Variants in PCDHA9 observed in about 807,000 individuals in gnomAD.
PCDHA9 encodes protocadherin alpha-9.
PCDHA9 carries 62 observed loss-of-function variants against 62.0 expected under a neutral mutation model. That is an observed-to-expected ratio of 1.00 (90% CI 0.81 to 1.23). The LOEUF is 1.23. Among genes scored for constraint, PCDHA9 ranks in the 50% most tolerant of loss-of-function variants. The pLI, the probability that PCDHA9 is intolerant of heterozygous loss-of-function variation, is 0.00. For synonymous variants in PCDHA9, 557 were observed against 567.6 expected (o/e 0.98, Z 0.27); for missense variants, 1,205 against 1,249.8 (o/e 0.96, Z 0.54).
At chr5:140,891,371 T>C (rs1483919316) in intron 1 of PCDHA9, among the ~76,000 whole-genome samples, 1 of 152,146 alleles carries the variant, frequency 6.6e-6, no homozygotes, top group Non-Finnish European at 1.5e-5. Flanking sequence ...CAGTATACAT[T>C]GCACCATATT....
chr5:140,855,629 G>A (rs914411692), intron 1 of PCDHA9, among the ~76,000 whole-genome samples: 2 of 149,486 alleles, frequency 1.3e-5, no homozygotes, highest in Non-Finnish European at 3.0e-5. Flanking sequence ...TTTGAAATTC[G>A]GCTATTGATA....
chr5:140,949,111 T>C (rs1316111436), intron 1 of PCDHA9, among the ~76,000 whole-genome samples: 1 of 151,772 alleles, frequency 6.6e-6, no homozygotes, highest in African/African-American at 2.4e-5. Context: ...AGTTTACAAA[T>C]ATTTTTGGTT....
chr5:140,853,742 G>A, intron 1 of PCDHA9: 1 of 988,574 alleles, frequency 1.0e-6, no homozygotes, highest in Non-Finnish European at 1.2e-6. Context: ...GAATGTTCTG[G>A]TTCAAGGCTC....
intron 1 of PCDHA9, chr5:140,967,149 C>A (rs781864120): frequency 1.3e-5 from 21 of 1,610,890 alleles, no homozygotes; most frequent in Non-Finnish European, 1.7e-5. Flanking sequence ...GCGCACAACC[C>A]CGTGGCGGTG....
intron 1 of PCDHA9, chr5:140,969,215 C>G (rs782320507): frequency 6.2e-7 from 1 of 1,614,128 alleles, no homozygotes; most frequent in South Asian, 1.1e-5. Flanking sequence ...CCAGACAGGA[C>G]CAGGGCCTTC....
intron 3 of PCDHA9, among the ~76,000 whole-genome samples, chr5:140,999,809 CAA>C (rs1350603380): frequency 1.3e-5 from 2 of 152,160 alleles, no homozygotes; most frequent in African/African-American, 2.4e-5. Flanking sequence ...GGGCACAAAG[CAA>C]GAGCTGTGGC....
At chr5:140,969,592 A>G (rs547411191) in intron 1 of PCDHA9, 72 of 829,536 alleles carry the variant, frequency 8.7e-5, no homozygotes, top group Middle Eastern at 3.7e-4. Context: ...TAGTCTTAAT[A>G]TTTAATGCTA....
chr5:140,871,008 C>A lies in PCDHA9; in HGVS notation c.2394+20119C>A, dbSNP rs782247452. Reference sequence around the variant, plus strand: ...CGGGCGAGATAAGCACAACGCGTGCCCTGGACGAGGCAGACTCGCCGCGCC... The same window carrying A: ...CGGGCGAGATAAGCACAACGCGTGCACTGGACGAGGCAGACTCGCCGCGCC... On this transcript the variant is annotated intron_variant, in intron 1 of 3. Transcript: ENST00000532602. The A allele has an allele frequency of 5.6e-6, 9 of 1,613,284 alleles. No homozygotes were observed. The African/African-American group carries it at 1.1e-4, about 19-fold the overall frequency.
intron 1 of PCDHA9, among the ~76,000 whole-genome samples, chr5:140,907,434 A>G (rs782559641): frequency 2.5e-4 from 38 of 152,256 alleles, no homozygotes; most frequent in Non-Finnish European, 4.4e-4. Context: ...GCATTCTGTG[A>G]GTCCACAGAT....
In PCDHA9 at chr5:140,916,964, T is replaced by C. The variant is rs139574694; in HGVS notation, c.2395-61985T>C. On this transcript the variant is annotated intron_variant, in intron 1 of 3. Transcript: ENST00000532602. The stretch of plus-strand genomic sequence containing the variant: ...GTGAGGCTTGCTGAGTTCTGACTGC[T>C]GGGATGAGTGATTCGCCTCTGGCCA... Among the ~76,000 whole-genome samples, 15 of 152,322 alleles carry C rather than the reference T, an allele frequency of 9.8e-5. No individual in the cohort carries two copies. In the East Asian group the frequency reaches 2.9e-3, roughly 29 times the overall value.
chr5:140,856,715 G>C, intron 1 of PCDHA9: 2 of 1,596,442 alleles, frequency 1.3e-6, no homozygotes, highest in African/African-American at 1.3e-5. Flanking sequence ...TGAATTTACC[G>C]GATCTGTTTC....
intron 1 of PCDHA9, among the ~76,000 whole-genome samples, chr5:140,885,025 T>A (rs2060432297): frequency 6.6e-6 from 1 of 152,228 alleles, no homozygotes; most frequent in Non-Finnish European, 1.5e-5. Context: ...ATCTTAAATT[T>A]AAAAAATTTT....
chr5:140,934,337 A>G (rs1404340648), intron 1 of PCDHA9, among the ~76,000 whole-genome samples: 1 of 152,128 alleles, frequency 6.6e-6, no homozygotes, highest in African/African-American at 2.4e-5. Context: ...TGTAATAACC[A>G]CCAGTACAGT....
chr5:140,876,870 G>A (rs1278762768), intron 1 of PCDHA9: 2 of 1,614,000 alleles, frequency 1.2e-6, no homozygotes, highest in Non-Finnish European at 1.7e-6. Flanking sequence ...TCGTGAAGGA[G>A]AACAACCCGC....
chr5:140,927,796 C>T, intron 1 of PCDHA9: 1 of 1,614,202 alleles, frequency 6.2e-7, no homozygotes, highest in South Asian at 1.1e-5. Context: ...ACTAGGTCCG[C>T]CTGAAACGCT....
rs1310762753 is a variant in PCDHA9, at chr5:140,855,371, T to A, written c.2394+4482T>A. Among the ~76,000 whole-genome samples, 3 of 149,996 alleles carry A rather than the reference T, an allele frequency of 2.0e-5. 1 individual carries two copies. Among genetic ancestry groups the A allele is most frequent in the African/African-American group, 7.3e-5 (3 of 40,926 alleles). On this transcript the variant is annotated intron_variant, in intron 1 of 3. Transcript: ENST00000532602. ...GTCATGTGGCTAGTGAGTAGGATAATAGGAATCTAAATGGAGAAATGTCTG... is the reference window on the plus strand; with the variant it reads ...GTCATGTGGCTAGTGAGTAGGATAAAAGGAATCTAAATGGAGAAATGTCTG...
At chr5:140,858,107 C>T in intron 1 of PCDHA9, 1 of 1,597,636 alleles carries the variant, frequency 6.3e-7, no homozygotes, top group Non-Finnish European at 8.6e-7. Context: ...GGGCGTGGCG[C>T]CCGAGGTGGC....
chr5:140,872,246 G>A (rs2053563930), intron 1 of PCDHA9, among the ~76,000 whole-genome samples: 1 of 151,488 alleles, frequency 6.6e-6, no homozygotes, highest in Non-Finnish European at 1.5e-5. Flanking sequence ...TTATTCCTGT[G>A]ATAATACTTG....
intron 1 of PCDHA9, among the ~76,000 whole-genome samples, chr5:140,937,150 G>A (rs2153631833): frequency 6.7e-6 from 1 of 149,812 alleles, no homozygotes; most frequent in East Asian, 2.0e-4. Context: ...CCATTCTCCT[G>A]CCTCAGCCTC....
Sources: allele counts gnomAD v4.1 joint callset (sites outside exome capture counted in the v4.1 genomes callset), GRCh38; gene constraint gnomAD v4.1.1; transcripts MANE v1.5; gene names NCBI Gene and HGNC (gene_info 2026-07-23, HGNC 2026-07-21).